Variants in DLG2 observed in about 807,000 individuals in gnomAD.
DLG2 encodes the protein discs large MAGUK scaffold protein 2.
Under a neutral mutation model 132.5 loss-of-function variants are expected in DLG2, and 45 were observed. The observed-to-expected ratio is 0.34, with a 90% confidence interval of 0.27 to 0.44. DLG2 has a LOEUF of 0.44. DLG2 is among the 20% of genes least tolerant of loss of function. The pLI is 1.00. For missense variants in DLG2, 1,045 were observed against 1,196.9 expected (o/e 0.87, Z 1.87); for synonymous variants, 424 against 419.6 (o/e 1.01, Z -0.13).
intron 6 of DLG2, among the ~76,000 whole-genome samples, chr11:84,695,831 G>C (rs1445829120): frequency 1.1e-4 from 16 of 151,456 alleles, no homozygotes; most frequent in Admixed American, 9.2e-4. Context: ...TGGAGGTACA[G>C]AGGCTGATAC....
chr11:85,510,435 C>T (rs1026299844), intron 3 of DLG2, among the ~76,000 whole-genome samples: 8 of 151,848 alleles, frequency 5.3e-5, no homozygotes, highest in Non-Finnish European at 1.2e-4. Flanking sequence ...GAACAGGCAA[C>T]CTACAGAATG....
chr11:83,914,553 A>C (rs1390406910), intron 15 of DLG2, among the ~76,000 whole-genome samples: 1 of 152,168 alleles, frequency 6.6e-6, no homozygotes, highest in Non-Finnish European at 1.5e-5. Context: ...CATGGGCCAA[A>C]TGCTTTTCAT....
chr11:84,003,766 C>T (rs2094459221), intron 11 of DLG2, among the ~76,000 whole-genome samples: 1 of 151,968 alleles, frequency 6.6e-6, no homozygotes, highest in Non-Finnish European at 1.5e-5. Flanking sequence ...AAAGCCTAAC[C>T]ATATTAATTC....
intron 15 of DLG2, among the ~76,000 whole-genome samples, chr11:83,895,159 T>C (rs1383399202): frequency 6.8e-6 from 1 of 147,850 alleles, no homozygotes; most frequent in Non-Finnish European, 1.5e-5. Flanking sequence ...TTTTTTTTTT[T>C]TTTTTTTTGG....
intron 6 of DLG2, among the ~76,000 whole-genome samples, chr11:84,837,204 GGC>G (rs1453570097): frequency 2.0e-5 from 3 of 151,830 alleles, no homozygotes; most frequent in Non-Finnish European, 4.4e-5. Context: ...TCAAATGGAA[GGC>G]ATAGGAAGAA....
intron 7 of DLG2, among the ~76,000 whole-genome samples, chr11:84,401,166 G>T (rs1278110912): frequency 6.6e-6 from 1 of 152,048 alleles, no homozygotes; most frequent in Non-Finnish European, 1.5e-5. Context: ...TATTTATCAG[G>T]TAAAACTGCA....
intron 6 of DLG2, among the ~76,000 whole-genome samples, chr11:85,090,342 C>A (rs2068565261): frequency 6.6e-6 from 1 of 152,184 alleles, no homozygotes; most frequent in African/African-American, 2.4e-5. Flanking sequence ...TCTTTTCCTG[C>A]TATTCTCTAT....
chr11:83,751,895 A>G (rs2093333044), intron 18 of DLG2, among the ~76,000 whole-genome samples: 1 of 152,240 alleles, frequency 6.6e-6, no homozygotes, highest in African/African-American at 2.4e-5. Context: ...TTCAGATAGC[A>G]ATGGGAATTA....
At chr11:83,711,518 G>C (rs79656152) in intron 18 of DLG2, among the ~76,000 whole-genome samples, 2,038 of 152,268 alleles carry the variant, frequency 0.013, 54 homozygotes, top group African/African-American at 0.042. Context: ...CTGCAAGTTT[G>C]CTGGTGAGTT....
intron 3 of DLG2, among the ~76,000 whole-genome samples, chr11:85,333,751 A>G (rs1173339720): frequency 6.6e-6 from 1 of 151,982 alleles, no homozygotes; most frequent in African/African-American, 2.4e-5. Context: ...CATATGTTGA[A>G]CCAAGTTTGC....
At chr11:84,650,873 G>GTATATATATATATATATATATA (rs71274437) in intron 6 of DLG2, among the ~76,000 whole-genome samples, 5 of 123,960 alleles carry the variant, frequency 4.0e-5, no homozygotes, top group African/African-American at 1.3e-4. Flanking sequence ...GTGTGTGTGT[G>GTATATATATATATATATATATA]TATATATATA....
chr11:83,836,990 C>T (rs1212245323), intron 16 of DLG2, among the ~76,000 whole-genome samples: 1 of 152,150 alleles, frequency 6.6e-6, no homozygotes, highest in African/African-American at 2.4e-5. Flanking sequence ...AGTTCAGCTC[C>T]GCGCTTGGAT....
intron 4 of DLG2, among the ~76,000 whole-genome samples, chr11:85,263,735 A>G (rs962869050): frequency 6.6e-6 from 1 of 152,202 alleles, no homozygotes; most frequent in African/African-American, 2.4e-5. Flanking sequence ...AGTTGTCTCC[A>G]GGCTTGAATG....
chr11:84,494,831 A>G (rs534142959), intron 7 of DLG2, among the ~76,000 whole-genome samples: 1 of 152,186 alleles, frequency 6.6e-6, no homozygotes, highest in Non-Finnish European at 1.5e-5. Context: ...TTGCTGCAAC[A>G]TCTTCCAAAA....
At chr11:84,016,100 T>C (rs113973569) in intron 11 of DLG2, among the ~76,000 whole-genome samples, 9 of 152,278 alleles carry the variant, frequency 5.9e-5, no homozygotes, top group African/African-American at 2.2e-4. Context: ...TGGTATCTCT[T>C]TGCGGTTTTT....
At chr11:85,405,535 T>C (rs997292115) in intron 3 of DLG2, among the ~76,000 whole-genome samples, 3 of 152,030 alleles carry the variant, frequency 2.0e-5, no homozygotes, top group African/African-American at 7.2e-5. Context: ...AAACAGTTAA[T>C]GTGCACTGAC....
intron 7 of DLG2, among the ~76,000 whole-genome samples, chr11:84,516,218 A>T (rs2099272500): frequency 6.6e-6 from 1 of 151,582 alleles, no homozygotes; most frequent in African/African-American, 2.4e-5. Context: ...AAGGACGGAA[A>T]TAGAAAGATT....
At chr11:84,275,889 T>C (rs1013293013) in intron 7 of DLG2, among the ~76,000 whole-genome samples, 2 of 152,194 alleles carry the variant, frequency 1.3e-5, no homozygotes, top group Admixed American at 6.5e-5. Context: ...AGCACTTTGC[T>C]AGAGTCTGTT....
Position 83,906,257 on chromosome 11 carries a change from T to TCACACA in DLG2, c.1496+24065_1496+24070dup, listed in dbSNP as rs540642615. On this transcript the variant is annotated intron_variant, in intron 15 of 27. Transcript: ENST00000376104. ...GTCTCTCTCTCTCTCTCTCTCTCTC[T>TCACACA]CACACACACACACACACACACACAC... Among the ~76,000 whole-genome samples the TCACACA allele has an allele frequency of 9.1e-4, 61 of 67,118 alleles. 1 individual carries two copies. The highest frequency in any genetic ancestry group is 1.5e-3 in the Non-Finnish European group (46 of 31,682). 44.0% of individuals were successfully genotyped at this position (67,118 alleles called of 152,430 possible).
Sources: gnomAD v4.1 joint callset for allele counts (sites outside exome capture counted in the v4.1 genomes callset) on GRCh38, gnomAD v4.1.1 for gene constraint, MANE v1.5 for transcripts, NCBI Gene and HGNC (gene_info 2026-07-23, HGNC 2026-07-21) for gene names.